The following RBMS3 variants were observed in gnomAD, a reference collection of about 807,000 sequenced individuals.
The protein encoded by RBMS3 is RNA binding motif single stranded interacting protein 3.
Under a neutral mutation model 66.8 loss-of-function variants are expected in RBMS3, and 27 were observed. The ratio of observed to expected loss-of-function variants is 0.40; its 90% confidence interval spans 0.30 to 0.56. The LOEUF (loss-of-function observed/expected upper bound fraction) is 0.56. Ranked by LOEUF, RBMS3 falls within the 20% of genes least tolerant of loss-of-function variation. RBMS3 has a pLI of 0.40. For missense variants in RBMS3, 513 were observed against 549.5 expected (o/e 0.93, Z 0.66); for synonymous variants, 188 against 183.0 (o/e 1.03, Z -0.22).
At chr3:29,380,786 T>A (rs1189661589) in intron 1 of RBMS3, among the ~76,000 whole-genome samples, 1 of 152,184 alleles carries the variant, frequency 6.6e-6, no homozygotes, top group East Asian at 1.9e-4. Context: ...AAACTGGAAG[T>A]AAATGTGTGA....
chr3:29,377,469 C>G (rs908696058), intron 1 of RBMS3, among the ~76,000 whole-genome samples: 3 of 152,188 alleles, frequency 2.0e-5, no homozygotes, highest in Admixed American at 1.3e-4. Context: ...TATCAATGTC[C>G]TCTTTCCCTT....
chr3:29,684,811 C>T (rs938600782), intron 4 of RBMS3, among the ~76,000 whole-genome samples: 1 of 150,264 alleles, frequency 6.7e-6, no homozygotes, highest in Non-Finnish European at 1.5e-5. Context: ...CACACACACA[C>T]ACACAGACAC....
chr3:29,758,361 G>A (rs1490685757), intron 5 of RBMS3, among the ~76,000 whole-genome samples: 3 of 152,178 alleles, frequency 2.0e-5, no homozygotes, highest in African/African-American at 4.8e-5. Flanking sequence ...TTTTAGGGAA[G>A]CCAATCACAG....
intron 6 of RBMS3, among the ~76,000 whole-genome samples, chr3:29,814,667 T>A (rs1324328571): frequency 1.3e-5 from 2 of 152,216 alleles, no homozygotes; most frequent in Non-Finnish European, 2.9e-5. Context: ...GCTCCTGTTA[T>A]TGGTCTATTC....
At chr3:29,843,846 G>C (rs2058717824) in intron 6 of RBMS3, among the ~76,000 whole-genome samples, 1 of 152,030 alleles carries the variant, frequency 6.6e-6, no homozygotes, top group African/African-American at 2.4e-5. Flanking sequence ...CTACCCGGGA[G>C]GCTGAGGCAC....
intron 12 of RBMS3, among the ~76,000 whole-genome samples, chr3:29,987,531 T>A (rs1698471764): frequency 6.6e-6 from 1 of 152,140 alleles, no homozygotes. Flanking sequence ...ATTTTAACAC[T>A]GATATGAGAA....
At chr3:29,983,911 G>T (rs546131461) in intron 12 of RBMS3, among the ~76,000 whole-genome samples, 5 of 152,180 alleles carry the variant, frequency 3.3e-5, no homozygotes, top group Admixed American at 6.5e-5. Flanking sequence ...TTCTTGAGGA[G>T]TATATTGTGG....
At chr3:29,812,304 A>G (rs990865183) in intron 6 of RBMS3, among the ~76,000 whole-genome samples, 1 of 152,202 alleles carries the variant, frequency 6.6e-6, no homozygotes, top group Non-Finnish European at 1.5e-5. Context: ...GGAGAGAGCC[A>G]TTACCCTGCT....
intron 3 of RBMS3, among the ~76,000 whole-genome samples, chr3:29,524,602 A>ATTTTTTTTTTT (rs1273815210): frequency 6.7e-6 from 1 of 148,608 alleles, no homozygotes. Flanking sequence ...CAACTTTTGC[A>ATTTTTTTTTTT]TTTTATTTAT....
chr3:29,955,839 G>C (rs1045595783), intron 12 of RBMS3, among the ~76,000 whole-genome samples: 3 of 151,920 alleles, frequency 2.0e-5, no homozygotes, highest in African/African-American at 7.3e-5. Flanking sequence ...ACTAACTCTG[G>C]TAACATTTTA....
chr3:29,616,084 A>G (rs889852207), intron 4 of RBMS3: 1 of 152,244 alleles, frequency 6.6e-6, no homozygotes, highest in Admixed American at 6.5e-5. Flanking sequence ...GGGTGGTTAC[A>G]GGAGAAAAGT....
chr3:29,408,908 A>G (rs865822501), intron 1 of RBMS3, among the ~76,000 whole-genome samples: 1 of 152,198 alleles, frequency 6.6e-6, no homozygotes, highest in South Asian at 2.1e-4. Context: ...CTTTCTTTTA[A>G]GGATGCAATG....
chr3:29,336,845 C>A (rs1171670669), intron 1 of RBMS3, among the ~76,000 whole-genome samples: 2 of 152,056 alleles, frequency 1.3e-5, no homozygotes, highest in Non-Finnish European at 2.9e-5. Context: ...ACAAAAAAGA[C>A]AATATGTTGA....
At chr3:29,739,583 A>T in intron 4 of RBMS3, 137 bp from the exon 5 acceptor site, 1 of 640,648 alleles carries the variant, frequency 1.6e-6, no homozygotes, top group Non-Finnish European at 2.5e-6. Flanking sequence ...AAAAAGAAGT[A>T]ATGCCCCTAG....
intron 4 of RBMS3, among the ~76,000 whole-genome samples, chr3:29,602,007 T>A (rs1365019490): frequency 6.6e-6 from 1 of 152,028 alleles, no homozygotes; most frequent in African/African-American, 2.4e-5. Flanking sequence ...ATGACAATTG[T>A]CATTCATTTG....
chr3:29,979,861 G>A (rs1697861807), intron 12 of RBMS3, among the ~76,000 whole-genome samples: 1 of 152,174 alleles, frequency 6.6e-6, no homozygotes, highest in South Asian at 2.1e-4. Context: ...TTGGTTCCAA[G>A]TCTTTGCTAT....
chr3:29,990,460 C>CAAAAAAAAAAAA (rs10596526), intron 13 of RBMS3, among the ~76,000 whole-genome samples: 4 of 106,514 alleles, frequency 3.8e-5, no homozygotes, highest in Non-Finnish European at 5.8e-5. Flanking sequence ...CTGTGAGAAA[C>CAAAAAAAAAAAA]AAAAAAAAAA....
intron 6 of RBMS3, among the ~76,000 whole-genome samples, chr3:29,848,713 G>C (rs2149515385): frequency 6.6e-6 from 1 of 152,234 alleles, no homozygotes; most frequent in East Asian, 1.9e-4. Context: ...TTTCCATATA[G>C]AGAAATTATT....
At chr3:29,404,029 C>A (rs539271278) in intron 1 of RBMS3, among the ~76,000 whole-genome samples, 13 of 152,196 alleles carry the variant, frequency 8.5e-5, no homozygotes, top group African/African-American at 3.1e-4. Flanking sequence ...TCTGTACAGA[C>A]ACCAGTATCC....
Sources: allele counts gnomAD v4.1 joint callset (sites outside exome capture counted in the v4.1 genomes callset), GRCh38; gene constraint gnomAD v4.1.1; transcripts MANE v1.5; gene names NCBI Gene and HGNC (gene_info 2026-07-23, HGNC 2026-07-21).